The following DACH2 variants were observed in gnomAD, a reference collection of about 807,000 sequenced individuals.
The protein encoded by DACH2 is dachshund homolog 2.
Under a neutral mutation model 35.8 loss-of-function variants are expected in DACH2, and 17 were observed. The ratio of observed to expected loss-of-function variants is 0.48; its 90% CI spans 0.33 to 0.71. DACH2 has a LOEUF of 0.71. Ranked by LOEUF, DACH2 falls within the 30% of genes least tolerant of loss-of-function variation. The pLI, the probability that DACH2 is intolerant of heterozygous loss-of-function variation, is 0.02. For synonymous variants in DACH2, 195 were observed against 177.3 expected (o/e 1.10, Z -0.79); for missense variants, 469 against 472.7 (o/e 0.99, Z 0.07).
intron 1 of DACH2, among the ~76,000 whole-genome samples, chrX:86,178,041 A>G (rs763533675): frequency 4.5e-5 from 5 of 111,813 alleles, no homozygotes; most frequent in Non-Finnish European, 7.5e-5. Flanking sequence ...AAATCCGATG[A>G]CATTAGAACT....
intron 2 of DACH2, among the ~76,000 whole-genome samples, chrX:86,443,135 T>C (rs1427528021): frequency 8.9e-6 from 1 of 111,935 alleles, no homozygotes; most frequent in African/African-American, 3.2e-5. Flanking sequence ...TTAATAGAGA[T>C]TGCATTGAAT....
intron 1 of DACH2, among the ~76,000 whole-genome samples, chrX:86,251,507 G>T (rs909205970): frequency 9.1e-6 from 1 of 110,372 alleles, no homozygotes; most frequent in Admixed American, 9.7e-5. Context: ...CCTTTCCCCC[G>T]AGTCCCCAAA....
chrX:86,526,180 A>T (rs2038629281), intron 3 of DACH2, among the ~76,000 whole-genome samples: 1 of 106,807 alleles, frequency 9.4e-6, no homozygotes, highest in Non-Finnish European at 2.0e-5. Context: ...TATCCTTCTT[A>T]AAAAAAAATA....
At chrX:86,606,691 A>G (rs777242165) in intron 3 of DACH2, among the ~76,000 whole-genome samples, 1 of 111,548 alleles carries the variant, frequency 9.0e-6, no homozygotes, top group Non-Finnish European at 1.9e-5. Context: ...AAAATGTTCT[A>G]TAAGTATAGA....
chrX:86,760,987 A>G (rs752677740), intron 7 of DACH2, among the ~76,000 whole-genome samples: 100 of 111,498 alleles, frequency 9.0e-4, no homozygotes, highest in African/African-American at 3.0e-3. Context: ...TTTTTTATCA[A>G]CTGTAAATGG....
intron 2 of DACH2, among the ~76,000 whole-genome samples, chrX:86,460,556 C>T (rs998377401): frequency 2.3e-4 from 25 of 110,431 alleles, no homozygotes; most frequent in South Asian, 7.5e-4. Context: ...TTATACTCTT[C>T]GATTCTAACA....
At chrX:86,528,150 G>A (rs1408996989) in intron 3 of DACH2, among the ~76,000 whole-genome samples, 2 of 111,653 alleles carry the variant, frequency 1.8e-5, no homozygotes, top group Admixed American at 9.6e-5. Flanking sequence ...AGAGAGAGGA[G>A]CATAGAGAAA....
At chrX:86,438,075 T>A (rs781326883) in intron 2 of DACH2, among the ~76,000 whole-genome samples, 1 of 109,557 alleles carries the variant, frequency 9.1e-6, no homozygotes, top group Non-Finnish European at 1.9e-5. Context: ...GTTGTTCCCC[T>A]CTTTGTGTCC....
intron 4 of DACH2, among the ~76,000 whole-genome samples, chrX:86,653,748 C>T (rs2040506380): frequency 9.6e-6 from 1 of 104,072 alleles, no homozygotes; most frequent in African/African-American, 3.5e-5. Context: ...TCACTACAAC[C>T]TCTGCCTCCT....
intron 2 of DACH2, among the ~76,000 whole-genome samples, chrX:86,461,039 A>G (rs1312029863): frequency 1.8e-5 from 2 of 111,259 alleles, no homozygotes; most frequent in Admixed American, 9.6e-5. Flanking sequence ...ACAAACAATA[A>G]ACCCACCGAA....
intron 1 of DACH2, among the ~76,000 whole-genome samples, chrX:86,229,708 A>AT (rs137864672): frequency 0.43 from 40,675 of 95,134 alleles, 7,580 homozygotes; most frequent in Middle Eastern, 0.57. Flanking sequence ...ATTCCTAAGT[A>AT]TTTTTTTTTT....
chrX:86,401,453 C>T (rs1448868280), intron 2 of DACH2, among the ~76,000 whole-genome samples: 5 of 112,045 alleles, frequency 4.5e-5, no homozygotes, highest in Non-Finnish European at 9.4e-5. Context: ...GCAGAAATCA[C>T]CCGTCTTCTG....
chrX:86,705,743 A>G (rs905405653), intron 5 of DACH2, among the ~76,000 whole-genome samples: 1 of 111,549 alleles, frequency 9.0e-6, no homozygotes, highest in Non-Finnish European at 1.9e-5. Flanking sequence ...TCTACTGTGT[A>G]TCTATCCAAA....
intron 1 of DACH2, chrX:86,160,336 A>G: frequency 1.0e-6 from 1 of 983,496 alleles, no homozygotes; most frequent in Non-Finnish European, 1.4e-6. Context: ...TCTGTCTCAT[A>G]TCACAAACAC....
At chrX:86,173,137 A>G (rs757606260) in intron 1 of DACH2, among the ~76,000 whole-genome samples, 1 of 111,908 alleles carries the variant, frequency 8.9e-6, no homozygotes, top group Non-Finnish European at 1.9e-5. Flanking sequence ...ACATATACAC[A>G]TATAAAAAAG....
At chrX:86,547,901 C>T (rs746251834) in intron 3 of DACH2, among the ~76,000 whole-genome samples, 1 of 112,240 alleles carries the variant, frequency 8.9e-6, no homozygotes, top group Non-Finnish European at 1.9e-5. Context: ...CCTGCACACA[C>T]TCTGTGCTCA....
At chrX:86,217,912 G>C (rs1359164640) in intron 1 of DACH2, among the ~76,000 whole-genome samples, 1 of 111,593 alleles carries the variant, frequency 9.0e-6, no homozygotes, top group Non-Finnish European at 1.9e-5. Context: ...TTGAGGTTAC[G>C]TATCTACAGA....
intron 6 of DACH2, among the ~76,000 whole-genome samples, chrX:86,727,181 A>G (rs1346936409): frequency 8.9e-6 from 1 of 111,970 alleles, no homozygotes; most frequent in African/African-American, 3.2e-5. Context: ...CTTCATTATG[A>G]AATTTGATTT....
At chrX:86,530,659 C>T (rs1354321069) in intron 3 of DACH2, among the ~76,000 whole-genome samples, 1 of 111,794 alleles carries the variant, frequency 8.9e-6, no homozygotes, top group Non-Finnish European at 1.9e-5. Context: ...TTCTTTATAG[C>T]AGTGTGAAAA....
Sources: gnomAD v4.1 joint callset for allele counts (sites outside exome capture counted in the v4.1 genomes callset) on GRCh38, gnomAD v4.1.1 for gene constraint, MANE v1.5 for transcripts, NCBI Gene and HGNC (gene_info 2026-07-23, HGNC 2026-07-21) for gene names.